The following CLEC12A variants were observed in gnomAD, a reference collection of about 807,000 sequenced individuals.
CLEC12A encodes the protein C-type lectin protein CLL-1.
CLEC12A carries 22 observed loss-of-function variants against 26.5 expected under a neutral mutation model. The observed-to-expected ratio is 0.83, with a 90% CI of 0.59 to 1.19. The LOEUF (loss-of-function observed/expected upper bound fraction) is 1.19, where lower values mean the gene tolerates loss of function less well. CLEC12A is among the 50% of genes most tolerant of loss of function. The pLI, the probability that CLEC12A is intolerant of heterozygous loss-of-function variation, is 0.00. For missense variants in CLEC12A, 353 were observed against 315.6 expected (o/e 1.12, Z -0.90); for synonymous variants, 119 against 101.9 (o/e 1.17, Z -1.01).
At chr12:10,001,933 G>T in the CLEC12A span, among the ~76,000 whole-genome samples, 1 of 144,224 alleles carries the variant, frequency 6.9e-6, no homozygotes, top group Non-Finnish European at 1.5e-5. Flanking sequence ...AGGCTGGAGT[G>T]CAGTGGCGCC....
rs1242401060 is a variant in CLEC12A at position 9,981,539 on chromosome 12, T to A, written c.532-481T>A. Among the ~76,000 whole-genome samples, 5 of 152,206 alleles carry A rather than the reference T, an allele frequency of 3.3e-5. No individual in the cohort carries two copies. In the East Asian group the frequency reaches 7.7e-4, roughly 23 times the overall value. ...TCACAGTTACTTACTCTAGAAAAAATTTTTAAAGGCTAGAATAAGAAAAAA... is the reference window on the plus strand; with the variant it reads ...TCACAGTTACTTACTCTAGAAAAAAATTTTAAAGGCTAGAATAAGAAAAAA... On this transcript the variant is annotated intron_variant, in intron 4 of 5. Coordinates refer to ENST00000304361, the MANE Select transcript of CLEC12A (RefSeq NM_138337.6).
At chr12:9,954,727 A>C (rs1863715197) in intron 1 of CLEC12A, among the ~76,000 whole-genome samples, 2 of 152,222 alleles carry the variant, frequency 1.3e-5, no homozygotes, top group South Asian at 4.1e-4. Flanking sequence ...AGGGTAGCAA[A>C]TTGGCTTATA....
At position 9,951,356 on chromosome 12, in the gene CLEC12A, G is replaced by GGTGA; in HGVS notation, c.10+4_10+7dup. On this transcript the variant is annotated frameshift_variant and splice_region_variant. Transcript: ENST00000355690. LOFTEE classifies it high-confidence loss of function. ...CAAATTTGACTTCTGCATGTGGATA[G>GGTGA]GTGAGTGTCTTTTGTGGATACCGAC... 1.4e-6 allele frequency: 1 copy of GGTGA among 703,016 alleles called. No homozygotes were observed. Among genetic ancestry groups the GGTGA allele is most frequent in the South Asian group, 1.5e-5 (1 of 67,604 alleles). The allele number at this position is 703,016 out of a possible 1,614,324, so 43.5% of individuals were successfully genotyped here. A position where few individuals can be genotyped will look rare whatever the true frequency, so the allele number is the denominator to read the frequency against.
chr12:9,970,277 T>C (rs1300506113), upstream of CLEC12A, among the ~76,000 whole-genome samples: 1 of 152,174 alleles, frequency 6.6e-6, no homozygotes, highest in Non-Finnish European at 1.5e-5. Context: ...TATGCAAATA[T>C]CTAGTTAATT....
At chr12:9,990,578 G>C (rs754508508), downstream of CLEC12A, among the ~76,000 whole-genome samples, 2 of 152,144 alleles carry the variant, frequency 1.3e-5, no homozygotes, top group Non-Finnish European at 2.9e-5. Flanking sequence ...AAAGAAAATG[G>C]TTCTTGAGAC....
chr12:10,004,265 C>G, the CLEC12A span, among the ~76,000 whole-genome samples: 1 of 152,224 alleles, frequency 6.6e-6, no homozygotes, highest in Admixed American at 6.5e-5. Context: ...GGCCTTTTCT[C>G]AAGGGCAGAG....
At chr12:9,986,274 G>A (rs1433503974), downstream of CLEC12A, 16 of 246,786 alleles carry the variant, frequency 6.5e-5, no homozygotes, top group Middle Eastern at 1.5e-3. Context: ...CTAAAAATAC[G>A]AAGAAAAATT....
intron 3 of CLEC12A, 111 bp from the exon 4 acceptor site, chr12:9,980,467 AAAAG>A: frequency 1.8e-6 from 2 of 1,131,476 alleles, no homozygotes; most frequent in South Asian, 3.2e-5. Flanking sequence ...GAGAGAAAGA[AAAAG>A]AAAGAAGAAT....
chr12:9,965,284 T>C (rs1401657899), intron 1 of CLEC12A, among the ~76,000 whole-genome samples: 2 of 151,558 alleles, frequency 1.3e-5, no homozygotes, highest in Admixed American at 1.3e-4. Flanking sequence ...AGGAAAGGAG[T>C]TGTTGTTTTG....
intron 1 of CLEC12A, among the ~76,000 whole-genome samples, chr12:9,957,810 G>A (rs928032050): frequency 6.6e-6 from 1 of 152,184 alleles, no homozygotes; most frequent in Non-Finnish European, 1.5e-5. Flanking sequence ...GAATAAAATG[G>A]GAGCCAGGTT....
In CLEC12A at chr12:9,965,262, C is replaced by T. The variant is rs180920093; in HGVS notation, c.11-6315C>T. Among the ~76,000 whole-genome samples the T allele has an allele frequency of 5.9e-3, 893 of 152,170 alleles. 2 individuals carry two copies. Among genetic ancestry groups the T allele is most frequent in the Non-Finnish European group, 0.01 (692 of 68,002 alleles). On this transcript the variant is annotated intron_variant, in intron 1 of 6. Coordinates refer to the CLEC12A transcript ENST00000355690. ...TGTGTAAGAATTCTGACTGCCCTAA[C>T]CATGCCTAGGAAGGAAAGGAGTTGT...
At chr12:9,956,879 G>A (rs1408445375) in intron 1 of CLEC12A, among the ~76,000 whole-genome samples, 1 of 152,154 alleles carries the variant, frequency 6.6e-6, no homozygotes, top group Non-Finnish European at 1.5e-5. Context: ...TCTGTGCTGT[G>A]CTGCATTCAG....
intron 1 of CLEC12A, among the ~76,000 whole-genome samples, chr12:9,973,517 C>T (rs906431084): frequency 6.6e-6 from 1 of 152,104 alleles, no homozygotes; most frequent in Non-Finnish European, 1.5e-5. Context: ...AACTCCAGTT[C>T]TGGTTAAACC....
At chr12:9,972,486 A>C (rs1162507297) in intron 1 of CLEC12A, among the ~76,000 whole-genome samples, 1 of 152,172 alleles carries the variant, frequency 6.6e-6, no homozygotes, top group Non-Finnish European at 1.5e-5. Context: ...AATCTGCCCT[A>C]GCGAATCCAT....
intron 1 of CLEC12A, among the ~76,000 whole-genome samples, chr12:9,973,686 T>C (rs1864222580): frequency 6.6e-6 from 1 of 152,182 alleles, no homozygotes; most frequent in Non-Finnish European, 1.5e-5. Context: ...ATGTCCTTAC[T>C]GATACTCTGC....
chr12:9,965,471 T>C (rs573312), intron 1 of CLEC12A, among the ~76,000 whole-genome samples: 80,265 of 145,690 alleles, frequency 0.55, 22,716 homozygotes, highest in South Asian at 0.71. Flanking sequence ...ATTTGCTGAG[T>C]CTGATGGGTG....
chr12:9,972,464 T>A (rs1864167626), intron 1 of CLEC12A, among the ~76,000 whole-genome samples: 4 of 152,184 alleles, frequency 2.6e-5, no homozygotes, highest in Admixed American at 2.0e-4. Context: ...GCTCCTAGCC[T>A]TTTGGGAGTG....
At chr12:9,994,239 G>A (rs377252402) in intron 4 of CLEC12A, among the ~76,000 whole-genome samples, 6 of 152,010 alleles carry the variant, frequency 3.9e-5, no homozygotes, top group African/African-American at 1.2e-4. Flanking sequence ...GTAACAAAAC[G>A]AGTTTGATTT....
At chr12:10,000,058 G>A (rs1255272702), downstream of CLEC12A, among the ~76,000 whole-genome samples, 1 of 152,196 alleles carries the variant, frequency 6.6e-6, no homozygotes, top group Non-Finnish European at 1.5e-5. Flanking sequence ...TATTGGGGAG[G>A]ATGTTGTCTA....
Sources: allele counts gnomAD v4.1 joint callset (sites outside exome capture counted in the v4.1 genomes callset), GRCh38; gene constraint gnomAD v4.1.1; transcripts MANE v1.5; gene names NCBI Gene and HGNC (gene_info 2026-07-23, HGNC 2026-07-21).